OAF: variants seen among roughly 807,000 people sequenced by gnomAD.
OAF encodes out at first protein homolog.
Under a neutral mutation model 22.5 loss-of-function variants are expected in OAF, and 13 were observed. The ratio of observed to expected loss-of-function variants is 0.58; its 90% CI spans 0.38 to 0.92. The LOEUF is 0.92. Among genes scored for constraint, OAF ranks in the 40% least tolerant of loss-of-function variants. OAF has a pLI of 0.00. For synonymous variants in OAF, 175 were observed against 170.5 expected, an observed-to-expected ratio of 1.03 and a Z score of -0.21; for missense variants, 347 against 381.8, an observed-to-expected ratio of 0.91 and a Z score of 0.76.
chr11:120,225,603 G>A, intron 1 of OAF, 58 bp from the exon 2 acceptor site: 1 of 1,472,058 alleles, frequency 6.8e-7, no homozygotes, highest in Non-Finnish European at 9.0e-7. Context: ...AGCACCCGGT[G>A]GGCCAGTGGG....
chr11:120,220,294 G>C (rs1938264054), intron 1 of OAF, among the ~76,000 whole-genome samples: 1 of 152,144 alleles, frequency 6.6e-6, no homozygotes, highest in Non-Finnish European at 1.5e-5. Flanking sequence ...CCTGCGTCCT[G>C]CTTGTGTCCT....
chr11:120,211,255 C>CCG lies in OAF; in HGVS notation c.-22_-21dup. On this transcript the variant is annotated 5_prime_UTR_variant, in exon 1 of 4. Coordinates refer to ENST00000328965, the MANE Select transcript of OAF (RefSeq NM_178507.4). ...CCCGCCCCCACGCGGCGCGCCGGGG[C>CCG]CGCGGACGGCAGCGGCCCCCGGGGA... 1 of 1,183,906 alleles carries CCG rather than the reference C, an allele frequency of 8.4e-7. No individual in the cohort carries two copies. The highest frequency in any genetic ancestry group is 1.0e-6 in the Non-Finnish European group (1 of 956,494). 73.3% of individuals were successfully genotyped at this position (1,183,906 alleles called of 1,614,324 possible).
Position 120,229,005 on chromosome 11 carries a change from C to T in OAF, c.685C>T (p.Leu229Phe), listed in dbSNP as rs1938398978. The T allele has an allele frequency of 6.2e-7, 1 of 1,613,538 alleles. No homozygotes were observed. ...GAGCCTGGCCTGGTACCCCTGCATG[C>T]TCAAGTACTGCCACAGCCGCGACCG... is the stretch of plus-strand genomic sequence containing the variant. The part of the protein sequence containing the change: ...GLSLAWYPCM[L>F]KYCHSRDRPT... The change falls in exon 4 of 4, where the codon CTC (leucine) becomes TTC (phenylalanine). Residue 229 changes from leucine to phenylalanine, a missense_variant. By Grantham distance (22) the Leu-to-Phe change is conservative. Transcript: ENST00000328965.
intron 3 of OAF, 47 bp from the exon 4 acceptor site, chr11:120,228,821 T>TGCCAAC: frequency 1.5e-4 from 80 of 520,234 alleles, no homozygotes; most frequent in Non-Finnish European, 2.1e-4. Flanking sequence ...GGGAGCTCCT[T>TGCCAAC]CCCTCCCTCC....
At chr11:120,219,639 A>G (rs12225131) in intron 1 of OAF, among the ~76,000 whole-genome samples, 19,116 of 152,134 alleles carry the variant, frequency 0.13, 1,889 homozygotes, top group East Asian at 0.56. Context: ...GTCAGACAGC[A>G]TGGCTGGGAT....
At chr11:120,221,088 G>A (rs1029193788) in intron 1 of OAF, among the ~76,000 whole-genome samples, 2 of 152,144 alleles carry the variant, frequency 1.3e-5, no homozygotes, top group African/African-American at 4.8e-5. Context: ...AACCTTAAGG[G>A]GACAACGAGC....
At position 120,229,138 on chromosome 11, in the gene OAF, GC is replaced by G. The variant is rs752022894; in HGVS notation, c.819del (p.Ter274ArgfsTer20). ...CTCTGGGATGAGGATCCCTACCCAGGCTAGGGTGGGAGCAACCTGGCGGGTG... is the reference window on the plus strand; with the variant it reads ...CTCTGGGATGAGGATCCCTACCCAGGTAGGGTGGGAGCAACCTGGCGGGTG... ...LCLWDEDPYP[G>X] is the part of the protein sequence containing the mutation. On this transcript the variant is annotated frameshift_variant, in exon 4 of 4. Transcript: ENST00000328965. LOFTEE classifies it high-confidence loss of function. The G allele has an allele frequency of 2.5e-6, 4 of 1,608,988 alleles. No homozygotes were observed. In the Admixed American group the frequency reaches 6.7e-5, roughly 27 times the overall value.
intron 1 of OAF, among the ~76,000 whole-genome samples, chr11:120,219,156 C>T (rs1045465720): frequency 1.3e-5 from 2 of 151,514 alleles, no homozygotes; most frequent in Non-Finnish European, 2.9e-5. Flanking sequence ...TGTGATGAGA[C>T]GGTGGGGAGC....
At position 120,229,386 on chromosome 11, in the gene OAF, C is replaced by CG; in HGVS notation, c.*244_*245insG. 1.4e-5 allele frequency: 5 copies of CG among 369,432 alleles called. No individual in the cohort carries two copies. Among genetic ancestry groups the CG allele is most frequent in the South Asian group, 5.9e-5 (1 of 16,994 alleles). 22.9% of individuals were successfully genotyped at this position (369,432 alleles called of 1,614,324 possible). A position where few individuals can be genotyped will look rare whatever the true frequency, so the allele number is the denominator to read the frequency against. On this transcript the variant is annotated 3_prime_UTR_variant, in exon 4 of 4. Transcript: ENST00000328965. ...TTGCGGGCAGAGAGGGAGAGAAGGG[C>CG]TCCCCAGATCTACACCCCTCCCTCC...
intron 1 of OAF, among the ~76,000 whole-genome samples, chr11:120,215,844 G>C (rs1938204920): frequency 6.6e-6 from 1 of 152,128 alleles, no homozygotes; most frequent in Non-Finnish European, 1.5e-5. Flanking sequence ...CTGACCGGAT[G>C]GGGAGGGTGA....
At position 120,225,871 on chromosome 11, in the gene OAF, C is replaced by A. The variant is rs1938351469; in HGVS notation, c.366+76C>A. On this transcript the variant is annotated intron_variant, in intron 2 of 3. Transcript: ENST00000328965. Reference sequence around the variant, plus strand: ...CCGGCCCAGATCCCATCCCGCAGACCCGGCCCAGATCCTGACCTGCAGACC... The same window carrying A: ...CCGGCCCAGATCCCATCCCGCAGACACGGCCCAGATCCTGACCTGCAGACC... The A allele has an allele frequency of 1.8e-5, 25 of 1,390,676 alleles. 2 individuals carry two copies. The South Asian group carries it at 3.0e-4, about 17-fold the overall frequency. 86.1% of individuals were successfully genotyped at this position (1,390,676 alleles called of 1,614,324 possible).
chr11:120,226,803 C>A lies in OAF; in HGVS notation c.367-13C>A. ...CTGAAGCCAGGTAGGAGTGACTTCT[C>A]TCCCACACACAGAAAAATCCCCGGG... is the stretch of plus-strand genomic sequence containing the variant. On this transcript the variant is annotated splice_polypyrimidine_tract_variant and intron_variant, in intron 2 of 3. Transcript: ENST00000328965. The A allele has an allele frequency of 6.3e-7, 1 of 1,578,524 alleles. No homozygotes were observed. Among genetic ancestry groups the A allele is most frequent in the Non-Finnish European group, 8.7e-7 (1 of 1,155,052 alleles).
In OAF at chr11:120,230,170, G is replaced by A. The variant is rs1285957133; in HGVS notation, c.*1028G>A. 1.3e-5 allele frequency: 2 copies of A among 152,218 alleles called. No individual in the cohort carries two copies. Among genetic ancestry groups the A allele is most frequent in the East Asian group, 3.9e-4 (2 of 5,194 alleles). The allele number at this position is 152,218 out of a possible 1,614,324, so 9.4% of individuals were successfully genotyped here. On this transcript the variant is annotated 3_prime_UTR_variant, in exon 4 of 4. Transcript: ENST00000328965. ...TGAGACAGACATAGCTGCAACCGTA[G>A]TAAGCCAGTCAGAAATAGCCAGCGC...
rs571960515 is a variant in OAF at position 120,226,643 on chromosome 11, A to T, written c.367-173A>T. On this transcript the variant is annotated intron_variant, in intron 2 of 3. Transcript: ENST00000328965. Reference sequence around the variant, plus strand: ...ATAGAGGCTGAAAAGGCTCGACTGTACTCTAGGCATCAGCTTCACTGCCAG... The same window carrying T: ...ATAGAGGCTGAAAAGGCTCGACTGTTCTCTAGGCATCAGCTTCACTGCCAG... Among the ~76,000 whole-genome samples the T allele has an allele frequency of 2.6e-5, 4 of 152,190 alleles. No individual in the cohort carries two copies. The South Asian group carries it at 8.3e-4, about 32-fold the overall frequency.
intron 3 of OAF, 40 bp from the exon 4 acceptor site, chr11:120,228,828 C>T (rs975423808): frequency 1.5e-6 from 1 of 649,126 alleles, no homozygotes; most frequent in East Asian, 3.1e-5. Flanking sequence ...CCTTCCCTCC[C>T]TCCCTCCCTC....
chr11:120,214,920 G>A (rs1342424445), intron 1 of OAF, among the ~76,000 whole-genome samples: 2 of 152,218 alleles, frequency 1.3e-5, no homozygotes, highest in Non-Finnish European at 2.9e-5. Context: ...AAAGAATGCC[G>A]CAGCTCAGTG....
Position 120,211,263 on chromosome 11 carries a change from G to T in OAF, c.-17G>T, listed in dbSNP as rs1938139163. Reference sequence around the variant, plus strand: ...CACGCGGCGCGCCGGGGCCGCGGACGGCAGCGGCCCCCGGGGATGCGCCTT... The same window carrying T: ...CACGCGGCGCGCCGGGGCCGCGGACTGCAGCGGCCCCCGGGGATGCGCCTT... On this transcript the variant is annotated 5_prime_UTR_variant, in exon 1 of 4. Transcript: ENST00000328965. 1.7e-6 allele frequency: 2 copies of T among 1,195,706 alleles called. No homozygotes were observed. The highest frequency in any genetic ancestry group is 1.6e-5 in the African/African-American group (1 of 62,698). The allele number at this position is 1,195,706 out of a possible 1,614,324, so 74.1% of individuals were successfully genotyped here. A position where few individuals can be genotyped will look rare whatever the true frequency, so the allele number is the denominator to read the frequency against.
At chr11:120,216,535 G>A (rs563497026) in intron 1 of OAF, among the ~76,000 whole-genome samples, 1 of 152,302 alleles carries the variant, frequency 6.6e-6, no homozygotes, top group Admixed American at 6.5e-5. Context: ...CTGACATGGG[G>A]CTCCTGGGTC....
chr11:120,217,353 C>A (rs543496484), intron 1 of OAF: 1 of 152,278 alleles, frequency 6.6e-6, no homozygotes, highest in Admixed American at 6.5e-5. Context: ...CCGAGGCAGG[C>A]GGATTACTTG....
Sources: allele counts gnomAD v4.1 joint callset (sites outside exome capture counted in the v4.1 genomes callset), GRCh38; gene constraint gnomAD v4.1.1; transcripts MANE v1.5; gene names NCBI Gene and HGNC (gene_info 2026-07-23, HGNC 2026-07-21).